Variants in FBXL2 observed in about 807,000 individuals in gnomAD.
The protein encoded by FBXL2 is F-box and leucine rich repeat protein 2.
In FBXL2, 38 loss-of-function variants were observed where a neutral mutation model predicts 69.2. The observed-to-expected ratio is 0.55, with a 90% confidence interval of 0.42 to 0.72. The LOEUF is 0.72. Ranked by LOEUF, FBXL2 falls within the 30% of genes least tolerant of loss-of-function variation. The pLI is 0.00. For synonymous variants in FBXL2, 192 were observed against 201.3 expected (o/e 0.95, Z 0.39); for missense variants, 354 against 520.3 (o/e 0.68, Z 3.11).
intron 2 of FBXL2, among the ~76,000 whole-genome samples, chr3:33,341,766 G>T (rs2040030817): frequency 6.8e-6 from 1 of 147,608 alleles, no homozygotes; most frequent in South Asian, 2.2e-4. Flanking sequence ...GGAGGTGGAG[G>T]TTGCAGTGAA....
chr3:33,384,155 T>C lies in FBXL2; in HGVS notation c.1118T>C (p.Leu373Pro). The change falls in exon 14 of 15, where the codon CTG becomes CCG. Residue 373 changes from leucine (L) to proline (P), a missense_variant. Transcript: ENST00000484457. ...TGCCGAGGCCTGGAGCGCCTCGAGC[T>C]GTACGACTGCCAGCAGGTTACCCGT... The part of the protein sequence containing the change: ...ENCRGLERLE[L>P]YDCQQVTRAG... The C allele has an allele frequency of 1.9e-6, 3 of 1,614,154 alleles. No individual in the cohort carries two copies. Among genetic ancestry groups the C allele is most frequent in the Non-Finnish European group, 2.5e-6 (3 of 1,180,036 alleles).
intron 2 of FBXL2, among the ~76,000 whole-genome samples, chr3:33,355,777 A>G (rs761868240): frequency 9.2e-4 from 140 of 152,322 alleles, no homozygotes; most frequent in Non-Finnish European, 4.4e-5. Flanking sequence ...CTTTCTAGGA[A>G]AGAATGTTTT....
chr3:33,277,446 C>T lies in FBXL2; in HGVS notation c.-67C>T, dbSNP rs932021528. 6 of 1,256,928 alleles carry T rather than the reference C, an allele frequency of 4.8e-6. No individual in the cohort carries two copies. Among genetic ancestry groups the T allele is most frequent in the African/African-American group, 3.1e-5 (2 of 64,540 alleles). The allele number at this position is 1,256,928 out of a possible 1,614,324, so 77.9% of individuals were successfully genotyped here. A position where few individuals can be genotyped will look rare whatever the true frequency, so the allele number is the denominator to read the frequency against. ...GGGGCGGGGCGCCTGGCTGGCGTCA[C>T]CAGGACAACGGGCGTCGCCGGCGCC... is the stretch of plus-strand genomic sequence containing the variant. On this transcript the variant is annotated 5_prime_UTR_variant, in exon 1 of 15. Coordinates refer to ENST00000484457, the MANE Select transcript of FBXL2 (RefSeq NM_012157.5).
intron 2 of FBXL2, chr3:33,300,710 CTT>C (rs576599326): frequency 1.2e-4 from 17 of 137,824 alleles, no homozygotes; most frequent in South Asian, 2.3e-4. Flanking sequence ...GCTATGCTTT[CTT>C]TTTTTTTTTT....
At chr3:33,350,431 T>A (rs2154036396) in intron 2 of FBXL2, among the ~76,000 whole-genome samples, 1 of 134,284 alleles carries the variant, frequency 7.4e-6, no homozygotes, top group East Asian at 2.5e-4. Context: ...GCTAACATCA[T>A]AATTTTTTTT....
At chr3:33,345,136 G>A (rs1004612040) in intron 2 of FBXL2, among the ~76,000 whole-genome samples, 2 of 152,240 alleles carry the variant, frequency 1.3e-5, no homozygotes, top group Non-Finnish European at 2.9e-5. Flanking sequence ...TAAAACAACA[G>A]TTCTGGAGAT....
intron 2 of FBXL2, among the ~76,000 whole-genome samples, chr3:33,344,224 A>G (rs1221960494): frequency 6.6e-6 from 1 of 152,116 alleles, no homozygotes; most frequent in Non-Finnish European, 1.5e-5. Flanking sequence ...GCAAATAAAT[A>G]TCAAAGTAAA....
At position 33,365,629 on chromosome 3, in the gene FBXL2, T is replaced by G. The variant is rs148075209; in HGVS notation, c.290+910T>G. ...CTGGCCAGGCACAGTGGCTCATGCC[T>G]GTAATCCCAGCTCTTTGGGAGGCTG... On this transcript the variant is annotated intron_variant, in intron 5 of 14. Coordinates refer to ENST00000484457, the MANE Select transcript of FBXL2 (RefSeq NM_012157.5). 4.1e-3 allele frequency among the ~76,000 whole-genome samples: 624 copies of G among 152,250 alleles called. 32 individuals carry two copies. In the East Asian group the frequency reaches 0.11, roughly 26 times the overall value.
At chr3:33,297,194 A>T (rs2035825639) in intron 1 of FBXL2, among the ~76,000 whole-genome samples, 2 of 152,226 alleles carry the variant, frequency 1.3e-5, no homozygotes, top group East Asian at 3.9e-4. Context: ...TATTTTCAGG[A>T]TGTTCATTGC....
chr3:33,373,328 T>C lies in FBXL2; in HGVS notation c.428T>C (p.Ile143Thr), dbSNP rs764747292. The change falls in exon 7 of 15, where the codon ATT (isoleucine) becomes ACT (threonine). Residue 143 changes from isoleucine to threonine, a missense_variant. Transcript: ENST00000484457. ...KHLDLTSCVS[I>T]TNSSLKGISE... ...CTGGATCTGACCTCCTGTGTGTCTA[T>C]TACAAACAGCTCCTTGAAGGGGATC... The C allele has an allele frequency of 6.2e-7, 1 of 1,613,382 alleles. No homozygotes were observed. Among genetic ancestry groups the C allele is most frequent in the Non-Finnish European group, 8.5e-7 (1 of 1,179,296 alleles).
intron 12 of FBXL2, 26 bp from the exon 13 acceptor site, chr3:33,378,659 C>T (rs369313353): frequency 4.4e-6 from 7 of 1,607,062 alleles, no homozygotes; most frequent in Middle Eastern, 1.7e-4. Context: ...GTAGAAGCCA[C>T]ACTGACACAG....
intron 2 of FBXL2, among the ~76,000 whole-genome samples, chr3:33,342,282 G>A (rs2040089222): frequency 6.6e-6 from 1 of 151,356 alleles, no homozygotes; most frequent in Admixed American, 6.6e-5. Flanking sequence ...TGGGATTACA[G>A]GTATAAGCCA....
intron 2 of FBXL2, among the ~76,000 whole-genome samples, chr3:33,307,131 A>G (rs1472766377): frequency 6.6e-6 from 1 of 152,188 alleles, no homozygotes. Context: ...AATGCTAACT[A>G]TAATAGGGCA....
intron 2 of FBXL2, among the ~76,000 whole-genome samples, chr3:33,316,995 G>C (rs144598247): frequency 1.4e-4 from 22 of 151,930 alleles, no homozygotes; most frequent in African/African-American, 5.3e-4. Flanking sequence ...TTGAATTCCT[G>C]GGTTCAAGCG....
the FBXL2 span, among the ~76,000 whole-genome samples, chr3:33,420,778 T>A: frequency 6.6e-6 from 1 of 152,040 alleles, no homozygotes; most frequent in Non-Finnish European, 1.5e-5. Context: ...TGAGCCACCA[T>A]GCCCAGCCTA....
intron 12 of FBXL2, chr3:33,393,371 G>C: frequency 6.2e-7 from 1 of 1,613,014 alleles, no homozygotes; most frequent in Non-Finnish European, 8.5e-7. Context: ...TGATTAATTT[G>C]GTGGAGAGGG....
chr3:33,383,044 A>G (rs6783131), intron 13 of FBXL2: 57,712 of 151,978 alleles, frequency 0.38, 11,945 homozygotes, highest in East Asian at 0.6. Flanking sequence ...ATATCAACTC[A>G]GTGGTCTGTT....
At chr3:33,417,408 C>T in the FBXL2 span, among the ~76,000 whole-genome samples, 7 of 151,894 alleles carry the variant, frequency 4.6e-5, no homozygotes, top group Non-Finnish European at 8.8e-5. Context: ...TTGTGCCTTG[C>T]TTTTTAAACT....
chr3:33,340,555 G>A (rs935442893), intron 2 of FBXL2, among the ~76,000 whole-genome samples: 2 of 143,684 alleles, frequency 1.4e-5, no homozygotes, highest in Non-Finnish European at 3.0e-5. Flanking sequence ...CCTCCCCCTG[G>A]CCAAAATGGG....
Sources: allele counts gnomAD v4.1 joint callset (sites outside exome capture counted in the v4.1 genomes callset), GRCh38; gene constraint gnomAD v4.1.1; transcripts MANE v1.5; gene names NCBI Gene and HGNC (gene_info 2026-07-23, HGNC 2026-07-21).